The following HS3ST2 variants were observed in gnomAD, a reference collection of about 807,000 sequenced individuals.
HS3ST2 encodes the protein heparan sulfate glucosamine 3-O-sulfotransferase 2.
Under a neutral mutation model 26.3 loss-of-function variants are expected in HS3ST2, and 17 were observed. The ratio of observed to expected loss-of-function variants is 0.65; its 90% CI spans 0.44 to 0.97. HS3ST2 has a LOEUF of 0.97. Ranked by LOEUF, HS3ST2 falls within the 50% of genes least tolerant of loss-of-function variation. The pLI, the probability that HS3ST2 is intolerant of heterozygous loss-of-function variation, is 0.00. For synonymous variants in HS3ST2, 237 were observed against 219.2 expected, an observed-to-expected ratio of 1.08 and a Z score of -0.72; for missense variants, 402 against 501.2, an observed-to-expected ratio of 0.80 and a Z score of 1.89.
chr16:22,880,697 C>A (rs571755530), intron 1 of HS3ST2, among the ~76,000 whole-genome samples: 1 of 152,260 alleles, frequency 6.6e-6, no homozygotes, highest in Admixed American at 6.5e-5. Context: ...GAACTCCATG[C>A]CTCCTGCCTG....
chr16:22,832,256 C>T (rs1019530126), intron 1 of HS3ST2, among the ~76,000 whole-genome samples: 3 of 151,634 alleles, frequency 2.0e-5, no homozygotes, highest in African/African-American at 7.3e-5. Context: ...TTCAGCCTCT[C>T]AAAGTGCTAG....
intron 1 of HS3ST2, among the ~76,000 whole-genome samples, chr16:22,904,405 G>A (rs1282050753): frequency 6.6e-6 from 1 of 152,126 alleles, no homozygotes; most frequent in Non-Finnish European, 1.5e-5. Context: ...CATGATCCCT[G>A]CCTTCAGGGA....
rs78573617 is a variant in HS3ST2, at chr16:22,876,551, C to T, written c.486-38393C>T. Among the ~76,000 whole-genome samples, 537 of 152,248 alleles carry T rather than the reference C, an allele frequency of 3.5e-3. 3 individuals carry two copies. The highest frequency in any genetic ancestry group is 5.2e-3 in the African/African-American group (215 of 41,550). ...AGCACTTTTATGCTGCCAGTGTCAA[C>T]GACACCACTATGGAAAACCGTGTGG... On this transcript the variant is annotated intron_variant, in intron 1 of 1. Transcript: ENST00000261374.
intron 1 of HS3ST2, among the ~76,000 whole-genome samples, chr16:22,910,320 CT>C (rs1267467286): frequency 6.6e-6 from 1 of 152,174 alleles, no homozygotes; most frequent in African/African-American, 2.4e-5. Flanking sequence ...AGTCAATTTC[CT>C]TGTGCCAGGG....
intron 1 of HS3ST2, among the ~76,000 whole-genome samples, chr16:22,868,652 T>C (rs1017570196): frequency 6.6e-6 from 1 of 152,164 alleles, no homozygotes; most frequent in Non-Finnish European, 1.5e-5. Context: ...AATTTAAAGA[T>C]AAATTCATCC....
intron 1 of HS3ST2, among the ~76,000 whole-genome samples, chr16:22,831,205 G>T (rs1901161682): frequency 6.6e-6 from 1 of 152,242 alleles, no homozygotes; most frequent in Non-Finnish European, 1.5e-5. Context: ...GACATTTAAA[G>T]CCATATCATT....
At chr16:22,849,222 C>T (rs974219008) in intron 1 of HS3ST2, among the ~76,000 whole-genome samples, 84 of 152,260 alleles carry the variant, frequency 5.5e-4, no homozygotes, top group African/African-American at 1.8e-3. Flanking sequence ...GGAACACACT[C>T]GTGCTGTCTC....
At chr16:22,898,147 T>C (rs1415311188) in intron 1 of HS3ST2, among the ~76,000 whole-genome samples, 1 of 152,200 alleles carries the variant, frequency 6.6e-6, no homozygotes, top group Non-Finnish European at 1.5e-5. Context: ...TGCCTGCCTA[T>C]GATGGCATGG....
chr16:22,857,060 C>T (rs1188223214), intron 1 of HS3ST2, among the ~76,000 whole-genome samples: 1 of 152,134 alleles, frequency 6.6e-6, no homozygotes, highest in African/African-American at 2.4e-5. Context: ...TTTCCAGCAA[C>T]CCCACAGATA....
chr16:22,827,869 C>A (rs1386068304), intron 1 of HS3ST2, among the ~76,000 whole-genome samples: 1 of 151,534 alleles, frequency 6.6e-6, no homozygotes, highest in Non-Finnish European at 1.5e-5. Context: ...GGCACCATGC[C>A]CGGCTAATTT....
At chr16:22,840,321 C>T (rs966613394) in intron 1 of HS3ST2, among the ~76,000 whole-genome samples, 2 of 152,114 alleles carry the variant, frequency 1.3e-5, no homozygotes, top group Non-Finnish European at 2.9e-5. Context: ...GCCCAGTCTG[C>T]ATATTCTTTG....
At chr16:22,905,507 T>C (rs1320104102) in intron 1 of HS3ST2, among the ~76,000 whole-genome samples, 1 of 152,056 alleles carries the variant, frequency 6.6e-6, no homozygotes, top group Non-Finnish European at 1.5e-5. Flanking sequence ...TAGACTTTTA[T>C]AGCATGAGAA....
chr16:22,831,113 A>C (rs1901160620), intron 1 of HS3ST2, among the ~76,000 whole-genome samples: 1 of 152,246 alleles, frequency 6.6e-6, no homozygotes, highest in Non-Finnish European at 1.5e-5. Context: ...GAACCCAATG[A>C]AGACTTTCTC....
chr16:22,902,574 G>C (rs1037839214), intron 1 of HS3ST2, among the ~76,000 whole-genome samples: 11 of 152,222 alleles, frequency 7.2e-5, no homozygotes, highest in African/African-American at 2.7e-4. Flanking sequence ...GAGTGGAATT[G>C]CTGGGTTAAA....
Position 22,814,908 on chromosome 16 carries a change from G to T in HS3ST2, c.298G>T (p.Gly100Cys), listed in dbSNP as rs564461394. Reference sequence around the variant, plus strand: ...CGCCGTGCCCGCCCCTCGCCTCTCCGGTTCCAACCACTCCGGCTCACCCAA... The same window carrying T: ...CGCCGTGCCCGCCCCTCGCCTCTCCTGTTCCAACCACTCCGGCTCACCCAA... ...AAAVPAPRLS[G>C]SNHSGSPKLG... The change falls in exon 1 of 2, where the codon GGT becomes TGT. Residue 100 changes from glycine to cysteine, a missense_variant. Gly to Cys is a radical substitution (Grantham distance 159, BLOSUM62 -3). Around this residue, in one of 2 missense-constraint regions of HS3ST2, gnomAD observed 165 missense variants for 154.6 expected, o/e 1.07. Coordinates refer to ENST00000261374, the MANE Select transcript of HS3ST2 (RefSeq NM_006043.2). 2.5e-6 allele frequency: 4 copies of T among 1,589,338 alleles called. No individual in the cohort carries two copies. Among genetic ancestry groups the T allele is most frequent in the Admixed American group, 1.8e-5 (1 of 56,494 alleles).
At chr16:22,816,806 C>T (rs1200206234) in intron 1 of HS3ST2, among the ~76,000 whole-genome samples, 1 of 152,206 alleles carries the variant, frequency 6.6e-6, no homozygotes, top group Admixed American at 6.5e-5. Flanking sequence ...CCAGCATTTC[C>T]TCGATGGAAA....
intron 1 of HS3ST2, among the ~76,000 whole-genome samples, chr16:22,868,715 T>G (rs2141192305): frequency 6.6e-6 from 1 of 152,232 alleles, no homozygotes; most frequent in East Asian, 1.9e-4. Flanking sequence ...CCTTTTGGTG[T>G]TAATTTTGCT....
intron 1 of HS3ST2, among the ~76,000 whole-genome samples, chr16:22,875,884 T>C (rs1281551843): frequency 6.6e-6 from 1 of 152,230 alleles, no homozygotes; most frequent in Non-Finnish European, 1.5e-5. Flanking sequence ...ACACAAATGG[T>C]TCCCAATGTG....
At chr16:22,825,149 A>T (rs1901065114) in intron 1 of HS3ST2, among the ~76,000 whole-genome samples, 1 of 152,178 alleles carries the variant, frequency 6.6e-6, no homozygotes, top group African/African-American at 2.4e-5. Context: ...CAGCTCCACC[A>T]CATGCAAGGT....
Sources: gnomAD v4.1 joint callset for allele counts (sites outside exome capture counted in the v4.1 genomes callset) on GRCh38, gnomAD v4.1.1 for gene constraint, gnomAD v4.1.1 regional missense constraint, MANE v1.5 for transcripts, NCBI Gene and HGNC (gene_info 2026-07-23, HGNC 2026-07-21) for gene names.